The following SLC39A11 variants were observed in gnomAD, a reference collection of about 807,000 sequenced individuals.
The protein encoded by SLC39A11 is solute carrier family 39 member 11, also known as zinc transporter ZIP11.
Under a neutral mutation model 36.1 loss-of-function variants are expected in SLC39A11, and 33 were observed. The ratio of observed to expected loss-of-function variants is 0.91; its 90% CI spans 0.69 to 1.22. SLC39A11 has a LOEUF of 1.22. Ranked by LOEUF, SLC39A11 falls within the 50% of genes most tolerant of loss-of-function variation. SLC39A11 has a pLI of 0.00. For missense variants in SLC39A11, 432 were observed against 430.3 expected (o/e 1.00, Z -0.03); for synonymous variants, 166 against 170.3 (o/e 0.97, Z 0.20).
At chr17:72,744,772 A>G (rs8082692) in intron 6 of SLC39A11, among the ~76,000 whole-genome samples, 129,262 of 152,182 alleles carry the variant, frequency 0.85, 55,849 homozygotes, top group African/African-American at 0.97. Flanking sequence ...CCAACCTCAA[A>G]GCCTAATCAC....
chr17:73,016,147 T>A (rs2058157155), intron 4 of SLC39A11, among the ~76,000 whole-genome samples: 1 of 152,080 alleles, frequency 6.6e-6, no homozygotes, highest in African/African-American at 2.4e-5. Flanking sequence ...AATACAGTAC[T>A]AGATATGACA....
intron 6 of SLC39A11, among the ~76,000 whole-genome samples, chr17:72,804,305 T>C (rs2077184891): frequency 6.6e-6 from 1 of 152,124 alleles, no homozygotes; most frequent in African/African-American, 2.4e-5. Flanking sequence ...TGGCATCCCA[T>C]AGGGAGTTCT....
At chr17:72,922,182 G>T (rs2083705584) in intron 5 of SLC39A11, among the ~76,000 whole-genome samples, 1 of 152,124 alleles carries the variant, frequency 6.6e-6, no homozygotes, top group Non-Finnish European at 1.5e-5. Flanking sequence ...ATGAGAGTTG[G>T]GTATCAAATG....
At chr17:72,737,137 G>A (rs900993177) in intron 6 of SLC39A11, among the ~76,000 whole-genome samples, 42 of 152,084 alleles carry the variant, frequency 2.8e-4, no homozygotes, top group African/African-American at 9.4e-4. Context: ...TTAGCAGGGC[G>A]TGATGGTGCA....
Position 72,861,669 on chromosome 17 carries a change from ATAT to A in SLC39A11, c.431-11868_431-11866del, listed in dbSNP as rs1163188956. Among the ~76,000 whole-genome samples, 406 of 111,862 alleles carry A rather than the reference ATAT, an allele frequency of 3.6e-3. 9 individuals are homozygous for A. The highest frequency in any genetic ancestry group is 0.013 in the Middle Eastern group (3 of 224). 73.4% of individuals were successfully genotyped at this position (111,862 alleles called of 152,430 possible). On this transcript the variant is annotated intron_variant, in intron 5 of 9. Transcript: ENST00000255559. ...TATATACAACACATTATATATATATATATATATATATATATATATAAAATATAT... is the reference window on the plus strand; with the variant it reads ...TATATACAACACATTATATATATATAATATATATATATATATAAAATATAT...
intron 4 of SLC39A11, among the ~76,000 whole-genome samples, chr17:72,989,771 C>A (rs945354345): frequency 6.6e-6 from 1 of 152,178 alleles, no homozygotes; most frequent in Non-Finnish European, 1.5e-5. Context: ...CAGATCATTA[C>A]GTAAAGTCTC....
Position 73,034,005 on chromosome 17 carries a change from T to C in SLC39A11, c.148-2291A>G, listed in dbSNP as rs2058824520. On this transcript the variant is annotated intron_variant, in intron 3 of 9. Coordinates refer to ENST00000255559, the MANE Select transcript of SLC39A11 (RefSeq NM_139177.4). The stretch of plus-strand genomic sequence containing the variant: ...ATGAAAATGCCTCTGCTCAACAGGA[T>C]GGGAGCTGAGGCTGATCCGTTCAAC... Among the ~76,000 whole-genome samples, 3 of 152,150 alleles carry C rather than the reference T, an allele frequency of 2.0e-5. No homozygotes were observed. In the South Asian group the frequency reaches 6.2e-4, roughly 32 times the overall value.
chr17:73,083,105 G>C (rs2060601359), intron 3 of SLC39A11, among the ~76,000 whole-genome samples: 1 of 151,810 alleles, frequency 6.6e-6, no homozygotes. Context: ...ATTCCAAGGG[G>C]CCCTCCATGT....
In SLC39A11 at chr17:72,903,045, T is replaced by C. The variant is rs370671647; in HGVS notation, c.430+44707A>G. Among the ~76,000 whole-genome samples the C allele has an allele frequency of 2.0e-5, 3 of 151,820 alleles. No homozygotes were observed. In the East Asian group the frequency reaches 5.8e-4, roughly 29 times the overall value. ...ACTTTGGGAGGCCAAGGTAAGTGGA[T>C]CACCTGAGGTCAGGAGTTGAGACCA... On this transcript the variant is annotated intron_variant, in intron 5 of 9. Coordinates refer to ENST00000255559, the MANE Select transcript of SLC39A11 (RefSeq NM_139177.4).
At chr17:72,797,799 A>T (rs2076943299) in intron 6 of SLC39A11, among the ~76,000 whole-genome samples, 1 of 152,162 alleles carries the variant, frequency 6.6e-6, no homozygotes, top group South Asian at 2.1e-4. Context: ...CAATGTGCTC[A>T]TAACCACTTC....
At chr17:73,088,254 A>C (rs2060801130) in intron 2 of SLC39A11, among the ~76,000 whole-genome samples, 2 of 150,614 alleles carry the variant, frequency 1.3e-5, no homozygotes, top group South Asian at 4.2e-4. Flanking sequence ...AGATCCTGCC[A>C]CTGCACGCCA....
chr17:72,935,248 TA>T (rs2084672807), intron 5 of SLC39A11, among the ~76,000 whole-genome samples: 2 of 152,146 alleles, frequency 1.3e-5, no homozygotes, highest in Non-Finnish European at 2.9e-5. Flanking sequence ...TGACGCCAAG[TA>T]GAAAGAAGTT....
At chr17:72,749,704 T>C (rs1487716970) in intron 6 of SLC39A11, among the ~76,000 whole-genome samples, 1 of 151,988 alleles carries the variant, frequency 6.6e-6, no homozygotes, top group Non-Finnish European at 1.5e-5. Flanking sequence ...CCCTAGACAG[T>C]GGGAGCAGTC....
chr17:72,721,087 CTT>C (rs56090007), intron 7 of SLC39A11, among the ~76,000 whole-genome samples: 187 of 126,512 alleles, frequency 1.5e-3, no homozygotes, highest in East Asian at 3.8e-3. Flanking sequence ...TGTCCCTCGC[CTT>C]TTTTTTTTTT....
intron 1 of SLC39A11, chr17:73,092,016 G>A (rs2060940912): frequency 6.6e-6 from 1 of 152,194 alleles, no homozygotes; most frequent in African/African-American, 2.4e-5. Context: ...CTAACTCCAC[G>A]AGGGGGAATC....
intron 6 of SLC39A11, chr17:72,838,087 C>T: frequency 1.4e-6 from 1 of 719,098 alleles, no homozygotes; most frequent in African/African-American, 1.8e-5. Flanking sequence ...AGTTCGAGGC[C>T]ACCCTGGCCA....
intron 5 of SLC39A11, among the ~76,000 whole-genome samples, chr17:72,892,770 T>C (rs951883611): frequency 1.3e-5 from 2 of 152,130 alleles, no homozygotes; most frequent in African/African-American, 4.8e-5. Context: ...ATTTCTGAAG[T>C]TTTTTAGAAA....
rs189582469 is a variant in SLC39A11 at position 72,796,610 on chromosome 17, C to A, written c.601+53024G>T. ...AAGACAGAATCATGAGCAGAAAGCA[C>A]GTTTCAACAGGCAGCTGAAAAAACG... On this transcript the variant is annotated intron_variant, in intron 6 of 9. Coordinates refer to ENST00000255559, the MANE Select transcript of SLC39A11 (RefSeq NM_139177.4). Among the ~76,000 whole-genome samples the A allele has an allele frequency of 1.1e-3, 174 of 152,230 alleles. 1 individual carries two copies. Among genetic ancestry groups the A allele is most frequent in the African/African-American group, 4.1e-3 (169 of 41,476 alleles).
At chr17:72,946,237 G>A (rs933338326) in intron 5 of SLC39A11, among the ~76,000 whole-genome samples, 1 of 152,224 alleles carries the variant, frequency 6.6e-6, no homozygotes. Flanking sequence ...ATTGGAGGCA[G>A]GAGGAAGATT....
Sources: gnomAD v4.1 joint callset for allele counts (sites outside exome capture counted in the v4.1 genomes callset) on GRCh38, gnomAD v4.1.1 for gene constraint, MANE v1.5 for transcripts, NCBI Gene and HGNC (gene_info 2026-07-23, HGNC 2026-07-21) for gene names.